Variants in PVT1 observed in about 807,000 individuals in gnomAD.
PVT1 encodes CXCR4/PVT1 fusion.
At chr8:128,013,893 T>G (rs191907657) in intron 4 of PVT1, among the ~76,000 whole-genome samples, 9 of 152,348 alleles carry the variant, frequency 5.9e-5, no homozygotes, top group Admixed American at 2.6e-4. Context: ...TGACTCAATT[T>G]AGCTTAAACA....
chr8:127,987,940 T>A (rs1816987788), intron 3 of PVT1, among the ~76,000 whole-genome samples: 1 of 152,192 alleles, frequency 6.6e-6, no homozygotes, highest in Non-Finnish European at 1.5e-5. Flanking sequence ...TAAGGGGGAA[T>A]TCACTCTGTG....
chr8:128,093,755 A>G (rs567844134), intron 5 of PVT1, among the ~76,000 whole-genome samples: 4 of 151,854 alleles, frequency 2.6e-5, no homozygotes, highest in Non-Finnish European at 5.9e-5. Flanking sequence ...CCTCTGCCTC[A>G]GCCTCCTGAG....
At chr8:127,961,012 C>A (rs983944831) in intron 3 of PVT1, among the ~76,000 whole-genome samples, 1 of 151,572 alleles carries the variant, frequency 6.6e-6, no homozygotes, top group South Asian at 2.1e-4. Flanking sequence ...AGCCAAGGTG[C>A]CTGCCTGGGG....
At chr8:127,956,040 G>T (rs552740342) in intron 3 of PVT1, among the ~76,000 whole-genome samples, 1 of 152,210 alleles carries the variant, frequency 6.6e-6, no homozygotes, top group African/African-American at 2.4e-5. Flanking sequence ...CCACCTCTTT[G>T]ACAGAGATAG....
At chr8:127,810,610 G>C (rs1814582614) in intron 2 of PVT1, among the ~76,000 whole-genome samples, 1 of 152,320 alleles carries the variant, frequency 6.6e-6, no homozygotes, top group Non-Finnish European at 1.5e-5. Flanking sequence ...GTGATCATGG[G>C]ATCAGAGGCA....
intron 2 of PVT1, among the ~76,000 whole-genome samples, chr8:127,868,794 C>CACATATGT (rs1554593022): frequency 1.1e-4 from 1 of 8,972 alleles, no homozygotes; most frequent in South Asian, 3.3e-3. Flanking sequence ...TATATATATA[C>CACATATGT]ATATATATGT....
At chr8:127,986,153 A>G (rs1816967791) in intron 3 of PVT1, among the ~76,000 whole-genome samples, 1 of 152,204 alleles carries the variant, frequency 6.6e-6, no homozygotes, top group South Asian at 2.1e-4. Flanking sequence ...AAGGAAGACA[A>G]TACGGCCCTG....
At chr8:127,943,716 G>T (rs1228274635) in intron 3 of PVT1, among the ~76,000 whole-genome samples, 1 of 152,164 alleles carries the variant, frequency 6.6e-6, no homozygotes, top group Non-Finnish European at 1.5e-5. Context: ...ATCTCCCTTT[G>T]TTGAGAACCA....
At chr8:127,961,353 G>A (rs188295639) in intron 3 of PVT1, among the ~76,000 whole-genome samples, 38 of 152,328 alleles carry the variant, frequency 2.5e-4, no homozygotes, top group African/African-American at 9.1e-4. Context: ...CAAGAGAGAA[G>A]TCCCTGAACG....
At chr8:127,876,068 C>G (rs1013408658) in intron 2 of PVT1, among the ~76,000 whole-genome samples, 1 of 151,882 alleles carries the variant, frequency 6.6e-6, no homozygotes, top group Non-Finnish European at 1.5e-5. Context: ...AACAGAGTTA[C>G]GGGGTTGGGC....
chr8:127,949,379 C>CTCTGTGTGTG (rs1554599534), intron 3 of PVT1, among the ~76,000 whole-genome samples: 1 of 111,258 alleles, frequency 9.0e-6, no homozygotes, highest in Non-Finnish European at 1.8e-5. Flanking sequence ...ACTCCAGGAG[C>CTCTGTGTGTG]TGTGTGTGTG....
intron 3 of PVT1, among the ~76,000 whole-genome samples, chr8:127,987,503 G>A (rs1816983100): frequency 6.6e-6 from 1 of 152,236 alleles, no homozygotes; most frequent in Non-Finnish European, 1.5e-5. Flanking sequence ...AGAGGAAGAA[G>A]TTAAGTCTCT....
intron 4 of PVT1, among the ~76,000 whole-genome samples, chr8:128,068,176 T>C (rs1251259816): frequency 6.6e-6 from 1 of 152,006 alleles, no homozygotes; most frequent in African/African-American, 2.4e-5. Context: ...TTGCAGTTTT[T>C]TACACAAACA....
At chr8:127,998,583 T>C (rs1401578244) in intron 4 of PVT1, among the ~76,000 whole-genome samples, 1 of 148,878 alleles carries the variant, frequency 6.7e-6, no homozygotes, top group African/African-American at 2.5e-5. Context: ...CCTCCCTCCC[T>C]CTTTTCTTTT....
intron 2 of PVT1, among the ~76,000 whole-genome samples, chr8:127,831,139 A>ATATCTATC (rs1554590038): frequency 1.3e-4 from 19 of 142,064 alleles, no homozygotes; most frequent in South Asian, 6.7e-4. Context: ...ATCTATATCT[A>ATATCTATC]TCTCTCTCTC....
chr8:128,096,083 C>A (rs954280806), intron 5 of PVT1, among the ~76,000 whole-genome samples: 18 of 152,168 alleles, frequency 1.2e-4, no homozygotes, highest in Non-Finnish European at 2.9e-5. Context: ...AAAAAGATAA[C>A]CAACCAGGTA....
At chr8:128,081,999 A>G (rs767844225) in intron 5 of PVT1, among the ~76,000 whole-genome samples, 5 of 152,150 alleles carry the variant, frequency 3.3e-5, no homozygotes, top group Admixed American at 6.5e-5. Context: ...CCCACTACTG[A>G]CTGCCATTAC....
chr8:127,806,448 C>T (rs746204232), intron 2 of PVT1, among the ~76,000 whole-genome samples: 30 of 151,614 alleles, frequency 2.0e-4, no homozygotes, highest in East Asian at 5.8e-4. Context: ...ACACAGAGAA[C>T]GACTCCGTCT....
intron 2 of PVT1, among the ~76,000 whole-genome samples, chr8:127,854,108 C>T (rs1815136846): frequency 6.6e-6 from 1 of 152,176 alleles, no homozygotes; most frequent in African/African-American, 2.4e-5. Flanking sequence ...ATGGCCTTGC[C>T]CTCCGTAGGC....
Sources: gnomAD v4.1 joint callset for allele counts (sites outside exome capture counted in the v4.1 genomes callset) on GRCh38, gnomAD v4.1.1 for gene constraint, MANE v1.5 for transcripts, NCBI Gene and HGNC (gene_info 2026-07-23, HGNC 2026-07-21) for gene names.